Variants in SBF2 observed in about 807,000 individuals in gnomAD.
SBF2 encodes the protein myotubularin-related protein 13.
Under a neutral mutation model 225.2 loss-of-function variants are expected in SBF2, and 112 were observed. That is an observed-to-expected ratio of 0.50 (90% confidence interval 0.43 to 0.58). The LOEUF (loss-of-function observed/expected upper bound fraction) is 0.58, where lower values mean the gene tolerates loss of function less well. Among genes scored for constraint, SBF2 ranks in the 20% least tolerant of loss-of-function variants. The pLI is 0.00. For synonymous variants in SBF2, 763 were observed against 773.3 expected (o/e 0.99, Z 0.22); for missense variants, 1,996 against 2,206.2 (o/e 0.90, Z 1.91).
intron 34 of SBF2, among the ~76,000 whole-genome samples, chr11:9,790,267 T>TTTTG (rs1852657261): frequency 6.6e-6 from 1 of 152,254 alleles, no homozygotes; most frequent in Non-Finnish European, 1.5e-5. Flanking sequence ...ATATTTCAAA[T>TTTTG]TTTGTTAGTT....
chr11:10,066,506 AAACT>A (rs1950629153), intron 2 of SBF2, among the ~76,000 whole-genome samples: 1 of 152,146 alleles, frequency 6.6e-6, no homozygotes, highest in Non-Finnish European at 1.5e-5. Context: ...AAAAAGAAAC[AAACT>A]AAGAAAAATG....
intron 16 of SBF2, among the ~76,000 whole-genome samples, chr11:9,944,313 A>G (rs142585712): frequency 2.6e-5 from 4 of 152,286 alleles, no homozygotes; most frequent in African/African-American, 4.8e-5. Context: ...TTCATGTTCT[A>G]TTTCTTAAAC....
intron 6 of SBF2, among the ~76,000 whole-genome samples, chr11:10,010,406 A>AT (rs1948395778): frequency 6.6e-6 from 1 of 152,128 alleles, no homozygotes; most frequent in African/African-American, 2.4e-5. Context: ...TCTTGAGTTA[A>AT]TTTTTTTAAA....
At chr11:9,978,840 T>C (rs1946815238) in intron 13 of SBF2, among the ~76,000 whole-genome samples, 1 of 151,678 alleles carries the variant, frequency 6.6e-6, no homozygotes, top group South Asian at 2.1e-4. Context: ...CACCAAAAAA[T>C]ACAAAAAAAG....
At chr11:9,999,602 G>A (rs888523587) in intron 8 of SBF2, among the ~76,000 whole-genome samples, 2 of 152,176 alleles carry the variant, frequency 1.3e-5, no homozygotes, top group African/African-American at 4.8e-5. Context: ...GATTACAGGT[G>A]TGGGCCACCG....
intron 2 of SBF2, among the ~76,000 whole-genome samples, chr11:10,138,285 G>A (rs897376640): frequency 6.6e-6 from 1 of 152,098 alleles, no homozygotes; most frequent in South Asian, 2.1e-4. Context: ...GTTATTTGTA[G>A]CAGTTTCTCA....
At chr11:9,916,852 A>G (rs1172760841) in intron 16 of SBF2, among the ~76,000 whole-genome samples, 1 of 151,680 alleles carries the variant, frequency 6.6e-6, no homozygotes, top group African/African-American at 2.4e-5. Flanking sequence ...CCCAAGTGCT[A>G]AGAGTACAGG....
intron 16 of SBF2, chr11:9,958,951 A>C: frequency 1.4e-6 from 1 of 703,334 alleles, no homozygotes; most frequent in Non-Finnish European, 2.6e-6. Context: ...TTTCATGGGA[A>C]TGTGGATGTG....
At chr11:10,041,538 T>C (rs1949657362) in intron 3 of SBF2, among the ~76,000 whole-genome samples, 1 of 152,302 alleles carries the variant, frequency 6.6e-6, no homozygotes, top group South Asian at 2.1e-4. Context: ...TGATAATGCA[T>C]GTTTTGTTCT....
intron 1 of SBF2, among the ~76,000 whole-genome samples, chr11:10,287,166 A>G (rs1178641828): frequency 6.6e-6 from 1 of 152,258 alleles, no homozygotes; most frequent in East Asian, 1.9e-4. Flanking sequence ...TCTAGAAAAG[A>G]CAAAAACATA....
At chr11:10,103,089 T>C (rs1952382758) in intron 2 of SBF2, among the ~76,000 whole-genome samples, 2 of 152,182 alleles carry the variant, frequency 1.3e-5, no homozygotes, top group South Asian at 2.1e-4. Flanking sequence ...GGGTCTAATA[T>C]ATTGTTTGAA....
At chr11:10,209,331 T>C (rs1957852020) in intron 1 of SBF2, among the ~76,000 whole-genome samples, 1 of 151,478 alleles carries the variant, frequency 6.6e-6, no homozygotes, top group African/African-American at 2.4e-5. Context: ...TTCCCATCTC[T>C]AACTTCCTAT....
chr11:10,180,593 T>C (rs1956700341), intron 2 of SBF2, among the ~76,000 whole-genome samples: 1 of 152,174 alleles, frequency 6.6e-6, no homozygotes, highest in South Asian at 2.1e-4. Context: ...AACCTTCTTG[T>C]ACTTCAATAT....
At chr11:10,037,389 C>A (rs1949481507) in intron 3 of SBF2, among the ~76,000 whole-genome samples, 1 of 152,076 alleles carries the variant, frequency 6.6e-6, no homozygotes, top group Admixed American at 6.5e-5. Context: ...GAATTAGTCT[C>A]TAGAATGCTA....
intron 16 of SBF2, among the ~76,000 whole-genome samples, chr11:9,942,768 C>T (rs1296362174): frequency 1.3e-5 from 2 of 151,520 alleles, no homozygotes; most frequent in East Asian, 1.9e-4. Context: ...GAGGCAGAGG[C>T]TACAGTGAGC....
chr11:10,115,497 G>A (rs1953093501), intron 2 of SBF2, among the ~76,000 whole-genome samples: 1 of 152,170 alleles, frequency 6.6e-6, no homozygotes, highest in Non-Finnish European at 1.5e-5. Context: ...ACTGGCTCAT[G>A]TGCACACACA....
chr11:10,274,287 A>G (rs1962780003), intron 1 of SBF2, among the ~76,000 whole-genome samples: 1 of 152,172 alleles, frequency 6.6e-6, no homozygotes, highest in African/African-American at 2.4e-5. Context: ...AGAGAATTTT[A>G]AAGTTTCTGT....
intron 6 of SBF2, among the ~76,000 whole-genome samples, chr11:10,009,988 T>C (rs931401184): frequency 6.6e-6 from 1 of 152,262 alleles, no homozygotes; most frequent in Non-Finnish European, 1.5e-5. Context: ...TGATTTGCGT[T>C]TCTCTGATGA....
chr11:9,831,433 C>T (rs1209859385), intron 27 of SBF2, among the ~76,000 whole-genome samples: 2 of 152,216 alleles, frequency 1.3e-5, no homozygotes, highest in African/African-American at 4.8e-5. Flanking sequence ...TGCCCTCAGT[C>T]AACCTAATGA....
Sources: allele counts gnomAD v4.1 joint callset (sites outside exome capture counted in the v4.1 genomes callset), GRCh38; gene constraint gnomAD v4.1.1; transcripts MANE v1.5; gene names NCBI Gene and HGNC (gene_info 2026-07-23, HGNC 2026-07-21).